Variants in PRKAR1B observed in about 807,000 individuals in gnomAD.
PRKAR1B encodes the protein cAMP-dependent protein kinase type I-beta regulatory subunit.
A neutral mutation model predicts 46.5 loss-of-function variants in PRKAR1B; 22 were observed. The ratio of observed to expected loss-of-function variants is 0.47; its 90% CI spans 0.34 to 0.68. The LOEUF (loss-of-function observed/expected upper bound fraction) is 0.68. Ranked by LOEUF, PRKAR1B falls within the 30% of genes least tolerant of loss-of-function variation. PRKAR1B has a pLI of 0.01. For synonymous variants in PRKAR1B, 259 were observed against 217.7 expected (o/e 1.19, Z -1.67); for missense variants, 445 against 535.6 (o/e 0.83, Z 1.67).
Position 560,305 on chromosome 7 carries a change from T to C in PRKAR1B, c.892-8835A>G, listed in dbSNP as rs1778703400. Among the ~76,000 whole-genome samples the C allele has an allele frequency of 6.6e-6, 1 of 151,856 alleles. No homozygotes were observed. The highest frequency in any genetic ancestry group is 1.5e-5 in the Non-Finnish European group (1 of 67,976). ...CAAGCGATTAAACCTCTTTTCTTTA[T>C]AAATTACCCAGTCTCGGGCATTTCT... On this transcript the variant is annotated intron_variant, in intron 9 of 10. Coordinates refer to ENST00000537384, the MANE Select transcript of PRKAR1B (RefSeq NM_001164760.2). This position sits in a 1 kb window ranked among gnomAD's most constrained non-coding sequence, Gnocchi z 4.2.
chr7:699,925 C>G (rs935325901), intron 2 of PRKAR1B, among the ~76,000 whole-genome samples: 2 of 152,092 alleles, frequency 1.3e-5, no homozygotes, highest in African/African-American at 4.8e-5. Flanking sequence ...GCTCGAGGCC[C>G]GATGGGAAGC....
intron 4 of PRKAR1B, among the ~76,000 whole-genome samples, chr7:646,055 T>A (rs1012689978): frequency 6.6e-6 from 1 of 152,180 alleles, no homozygotes; most frequent in Non-Finnish European, 1.5e-5. Context: ...ACGCTATTTT[T>A]TTTTTTAAGA....
intron 1 of PRKAR1B, among the ~76,000 whole-genome samples, chr7:721,112 TTGAG>T (rs1329054117): frequency 1.3e-5 from 2 of 152,222 alleles, no homozygotes. Context: ...ATTTTCCACC[TTGAG>T]TGAGTGGACA....
chr7:559,534 C>T (rs1167031296), intron 9 of PRKAR1B, among the ~76,000 whole-genome samples: 5 of 152,182 alleles, frequency 3.3e-5, no homozygotes, highest in Non-Finnish European at 5.9e-5. Flanking sequence ...CTGGGGCCGA[C>T]GCCAGGGAAG....
intron 4 of PRKAR1B, among the ~76,000 whole-genome samples, chr7:639,598 C>A (rs1388852585): frequency 3.3e-5 from 5 of 152,328 alleles, no homozygotes; most frequent in African/African-American, 1.2e-4. Context: ...GCCTGTAATC[C>A]CAGCACTTTG....
chr7:637,691 C>T (rs1156443466), intron 4 of PRKAR1B, among the ~76,000 whole-genome samples: 1 of 151,684 alleles, frequency 6.6e-6, no homozygotes, highest in East Asian at 2.0e-4. Context: ...AAAAATTAGC[C>T]GGGTGTGGTG....
At chr7:637,349 G>T (rs1784169993) in intron 4 of PRKAR1B, among the ~76,000 whole-genome samples, 1 of 152,028 alleles carries the variant, frequency 6.6e-6, no homozygotes. Flanking sequence ...CCAGGGAGGT[G>T]GAGATTGCAA....
chr7:606,098 T>G, intron 6 of PRKAR1B, 95 bp downstream of exon 6: 1 of 1,183,386 alleles, frequency 8.5e-7, no homozygotes, highest in South Asian at 1.2e-5. Context: ...CTCAGCGCAG[T>G]GTTTGTTGGG....
chr7:582,983 G>A (rs1163536325), intron 8 of PRKAR1B, among the ~76,000 whole-genome samples: 4 of 152,204 alleles, frequency 2.6e-5, no homozygotes, highest in Non-Finnish European at 4.4e-5. Flanking sequence ...CCACACAGGT[G>A]ATTCCATTCC....
At chr7:640,649 G>A (rs192997107) in intron 4 of PRKAR1B, among the ~76,000 whole-genome samples, 2 of 152,144 alleles carry the variant, frequency 1.3e-5, no homozygotes, top group Non-Finnish European at 2.9e-5. Context: ...TGTAATCCCA[G>A]CTACTCGAGA....
At chr7:576,241 G>A (rs534796509) in intron 9 of PRKAR1B, among the ~76,000 whole-genome samples, 8 of 151,928 alleles carry the variant, frequency 5.3e-5, no homozygotes, top group South Asian at 2.1e-4. Flanking sequence ...GCACACGGGC[G>A]GGTGTGCACG....
intron 4 of PRKAR1B, among the ~76,000 whole-genome samples, chr7:640,095 G>A (rs759252453): frequency 2.6e-5 from 4 of 151,208 alleles, no homozygotes; most frequent in African/African-American, 7.3e-5. Flanking sequence ...CCCGGGAGGC[G>A]CAGGTTGCAG....
chr7:571,885 G>A (rs920421971), intron 9 of PRKAR1B, among the ~76,000 whole-genome samples: 2 of 152,214 alleles, frequency 1.3e-5, no homozygotes, highest in African/African-American at 2.4e-5. Context: ...CCGGGAGCCC[G>A]CACAGCCCTG....
chr7:702,173 A>G (rs561944729), intron 2 of PRKAR1B, among the ~76,000 whole-genome samples: 95 of 152,304 alleles, frequency 6.2e-4, no homozygotes, highest in Non-Finnish European at 1.2e-3. Flanking sequence ...ATCAACTCTA[A>G]AAAGTCTGTG....
At chr7:691,219 T>G (rs975669059) in intron 2 of PRKAR1B, among the ~76,000 whole-genome samples, 4 of 149,804 alleles carry the variant, frequency 2.7e-5, no homozygotes, top group Non-Finnish European at 5.9e-5. Flanking sequence ...CCACTCAAAC[T>G]GGCCAGTCCA....
intron 4 of PRKAR1B, among the ~76,000 whole-genome samples, chr7:618,819 G>A (rs916528463): frequency 1.3e-5 from 2 of 152,176 alleles, no homozygotes; most frequent in Non-Finnish European, 2.9e-5. Flanking sequence ...GTTGCTTGTC[G>A]GGTTTAGATA....
At chr7:665,421 T>G (rs2128498209) in intron 4 of PRKAR1B, among the ~76,000 whole-genome samples, 1 of 152,198 alleles carries the variant, frequency 6.6e-6, no homozygotes, top group Non-Finnish European at 1.5e-5. Flanking sequence ...AAAGACAACA[T>G]GCCCGAGGCC....
chr7:700,311 G>A (rs1779991649), intron 2 of PRKAR1B, among the ~76,000 whole-genome samples: 1 of 152,200 alleles, frequency 6.6e-6, no homozygotes. Context: ...ACCCACCAAG[G>A]ATGAGAGAGA....
chr7:561,037 C>CAT (rs1169544258), intron 9 of PRKAR1B, among the ~76,000 whole-genome samples: 6 of 151,128 alleles, frequency 4.0e-5, no homozygotes, highest in Non-Finnish European at 8.8e-5. Context: ...AACACACACA[C>CAT]ATACACACAG....
Sources: gnomAD v4.1 joint callset for allele counts (sites outside exome capture counted in the v4.1 genomes callset) on GRCh38, gnomAD v4.1.1 for gene constraint, Gnocchi (gnomAD v3.1) non-coding constraint, MANE v1.5 for transcripts, NCBI Gene and HGNC (gene_info 2026-07-23, HGNC 2026-07-21) for gene names.